AGAP1: variants seen among roughly 807,000 people sequenced by gnomAD.
AGAP1 encodes arf-GAP with GTPase, ANK repeat and PH domain-containing protein 1.
AGAP1 carries 29 observed loss-of-function variants against 105.3 expected under a neutral mutation model. That is an observed-to-expected ratio of 0.28 (90% CI 0.21 to 0.38). AGAP1 has a LOEUF of 0.38. AGAP1 is among the 10% of genes least tolerant of loss of function. The pLI is 1.00. For synonymous variants in AGAP1, 509 were observed against 485.9 expected, an observed-to-expected ratio of 1.05 and a Z score of -0.63; for missense variants, 998 against 1,165.1, an observed-to-expected ratio of 0.86 and a Z score of 2.09.
chr2:235,748,307 G>T (rs1355920405), intron 5 of AGAP1, among the ~76,000 whole-genome samples: 2 of 152,158 alleles, frequency 1.3e-5, no homozygotes, highest in Admixed American at 6.5e-5. Flanking sequence ...GCAGGTCAGG[G>T]TCTCATGGAA....
chr2:235,928,155 G>C (rs1332002589), intron 11 of AGAP1, among the ~76,000 whole-genome samples: 1 of 152,170 alleles, frequency 6.6e-6, no homozygotes, highest in Non-Finnish European at 1.5e-5. Context: ...TTCCACCTTT[G>C]CGGAGTCCTT....
rs1192744087 is a variant in AGAP1, at chr2:235,494,186, C to T, written c.-501C>T. ...GGGCTCGCGCGGGGGCCCCGGCGCG[C>T]CGGGCGGCGCAGTACGCAGCGCGCG... On this transcript the variant is annotated 5_prime_UTR_variant, in exon 1 of 18. Transcript: ENST00000304032. 6.9e-6 allele frequency: 1 copy of T among 144,690 alleles called. No homozygotes were observed. The highest frequency in any genetic ancestry group is 2.5e-5 in the African/African-American group (1 of 40,336). 9.0% of individuals were successfully genotyped at this position (144,690 alleles called of 1,614,324 possible). A position where few individuals can be genotyped will look rare whatever the true frequency, so the allele number is the denominator to read the frequency against.
chr2:235,627,465 T>A (rs1299345160), intron 1 of AGAP1, among the ~76,000 whole-genome samples: 1 of 152,130 alleles, frequency 6.6e-6, no homozygotes, highest in African/African-American at 2.4e-5. Flanking sequence ...TCTCAAGTGA[T>A]CCGTCCACCT....
intron 1 of AGAP1, among the ~76,000 whole-genome samples, chr2:235,544,364 C>T (rs930138300): frequency 3.3e-5 from 5 of 152,152 alleles, no homozygotes; most frequent in African/African-American, 7.2e-5. Context: ...TTCTGAGTCC[C>T]GCAGGGACTG....
rs552465885 is a variant in AGAP1, at chr2:235,750,499, G to A, written c.673+11G>A. 70 of 1,614,052 alleles carry A rather than the reference G, an allele frequency of 4.3e-5. No homozygotes were observed. Among genetic ancestry groups the A allele is most frequent in the Middle Eastern group, 3.3e-4 (2 of 6,054 alleles). The stretch of plus-strand genomic sequence containing the variant: ...GGGTCTTCCAGGACGGTAAATGCGC[G>A]TGGCTGGGAGTTTAATTTCAGTTCA... On this transcript the variant is annotated intron_variant, in intron 6 of 17. Coordinates refer to ENST00000304032, the MANE Select transcript of AGAP1 (RefSeq NM_001037131.3). The surrounding 1 kb of genome is among the most constrained non-coding windows in gnomAD (Gnocchi z 5.3).
At chr2:236,007,695 G>A (rs1374716087) in intron 13 of AGAP1, among the ~76,000 whole-genome samples, 1 of 152,182 alleles carries the variant, frequency 6.6e-6, no homozygotes, top group Non-Finnish European at 1.5e-5. Context: ...AGATTAAAAA[G>A]AAGAAAGGGA....
Position 235,515,472 on chromosome 2 carries a change from G to A in AGAP1, c.163+20623G>A, listed in dbSNP as rs183085365. ...TGAAAAGGTTCTCTGAAAGACAGGGGCGTAGATACTGAGCTGGCAATAACA... is the reference window on the plus strand; with the variant it reads ...TGAAAAGGTTCTCTGAAAGACAGGGACGTAGATACTGAGCTGGCAATAACA... On this transcript the variant is annotated intron_variant, in intron 1 of 17. Coordinates refer to ENST00000304032, the MANE Select transcript of AGAP1 (RefSeq NM_001037131.3). Among the ~76,000 whole-genome samples, 115 of 152,324 alleles carry A rather than the reference G, an allele frequency of 7.5e-4. 1 individual carries two copies. Among genetic ancestry groups the A allele is most frequent in the African/African-American group, 2.7e-3 (112 of 41,574 alleles).
At chr2:235,823,701 A>T (rs1056880172) in intron 9 of AGAP1, among the ~76,000 whole-genome samples, 1 of 152,150 alleles carries the variant, frequency 6.6e-6, no homozygotes, top group South Asian at 2.1e-4. Flanking sequence ...AGATATTTTT[A>T]TTGTATTGCG....
intron 13 of AGAP1, among the ~76,000 whole-genome samples, chr2:236,022,604 C>T (rs975250331): frequency 4.6e-5 from 7 of 152,088 alleles, no homozygotes; most frequent in Admixed American, 2.0e-4. Flanking sequence ...GCACAGTCTC[C>T]GCTCACTGCA....
In AGAP1 at chr2:235,785,620, T is replaced by C. The variant is rs538989835; in HGVS notation, c.674-12139T>C. 1.8e-4 allele frequency among the ~76,000 whole-genome samples: 27 copies of C among 152,278 alleles called. No homozygotes were observed. The East Asian group carries it at 5.2e-3, about 29-fold the overall frequency. ...TCTTTAAAATTTTGTATAGTTTCTT[T>C]AGCTGGAATAATTTAGCATAATCCA... On this transcript the variant is annotated intron_variant, in intron 6 of 17. Transcript: ENST00000304032.
At chr2:235,643,448 A>AAAG (rs1947267950) in intron 1 of AGAP1, among the ~76,000 whole-genome samples, 1 of 150,636 alleles carries the variant, frequency 6.6e-6, no homozygotes. Context: ...AAAAAAAAAA[A>AAAG]AAAAAAAAAA....
chr2:235,856,839 G>A (rs1054427122), intron 9 of AGAP1, among the ~76,000 whole-genome samples: 4 of 152,254 alleles, frequency 2.6e-5, no homozygotes, highest in Non-Finnish European at 4.4e-5. Flanking sequence ...AGACCTGAAG[G>A]CCTCCTGCAA....
At chr2:235,680,853 G>T (rs1282125902) in intron 1 of AGAP1, among the ~76,000 whole-genome samples, 1 of 152,044 alleles carries the variant, frequency 6.6e-6, no homozygotes, top group East Asian at 1.9e-4. Context: ...ACACTTCCTG[G>T]GCCAGCTTCC....
chr2:236,111,785 A>G (rs2059649835), intron 16 of AGAP1, among the ~76,000 whole-genome samples: 2 of 108,342 alleles, frequency 1.8e-5, no homozygotes, highest in East Asian at 4.6e-4. Flanking sequence ...GTGCGACTCT[A>G]TCTCAAAAAA....
chr2:236,025,320 G>A (rs897176089), intron 13 of AGAP1, among the ~76,000 whole-genome samples: 1 of 152,030 alleles, frequency 6.6e-6, no homozygotes, highest in South Asian at 2.1e-4. Flanking sequence ...CTGACTGATG[G>A]GCCTCACGCT....
chr2:235,905,540 C>T lies in AGAP1; in HGVS notation c.1156-3198C>T, dbSNP rs1218111269. Among the ~76,000 whole-genome samples, 5 of 152,208 alleles carry T rather than the reference C, an allele frequency of 3.3e-5. No individual in the cohort carries two copies. Among genetic ancestry groups the T allele is most frequent in the African/African-American group, 1.2e-4 (5 of 41,448 alleles). ...TTGAGACAGAGTTTCCCTCTTGTCG[C>T]TTAGGCTGGAGTGCAATGGCATGAT... On this transcript the variant is annotated intron_variant, in intron 10 of 17. Transcript: ENST00000304032. The surrounding 1 kb of genome is among the most constrained non-coding windows in gnomAD (Gnocchi z 4.2).
chr2:235,810,854 TAC>T (rs1958101213), intron 9 of AGAP1, among the ~76,000 whole-genome samples: 3 of 146,386 alleles, frequency 2.0e-5, no homozygotes, highest in African/African-American at 7.6e-5. Context: ...TTTTTTTTTT[TAC>T]TAATAAGGTC....
chr2:236,006,484 A>C (rs753718798), intron 13 of AGAP1, among the ~76,000 whole-genome samples: 4 of 152,170 alleles, frequency 2.6e-5, no homozygotes, highest in Non-Finnish European at 4.4e-5. Context: ...ATATCTACAA[A>C]TATTTCTATA....
At chr2:235,613,096 C>T (rs1946193338) in intron 1 of AGAP1, among the ~76,000 whole-genome samples, 1 of 149,642 alleles carries the variant, frequency 6.7e-6, no homozygotes, top group East Asian at 2.0e-4. Flanking sequence ...GGTACGATCT[C>T]GGCTCAGTGT....
Sources: gnomAD v4.1 joint callset for allele counts (sites outside exome capture counted in the v4.1 genomes callset) on GRCh38, gnomAD v4.1.1 for gene constraint, Gnocchi (gnomAD v3.1) non-coding constraint, MANE v1.5 for transcripts, NCBI Gene and HGNC (gene_info 2026-07-23, HGNC 2026-07-21) for gene names.